The following EIF4E3 variants were observed in gnomAD, a reference collection of about 807,000 sequenced individuals.
The protein encoded by EIF4E3 is eukaryotic translation initiation factor 4E family member 3.
In EIF4E3, 26 loss-of-function variants were observed where a neutral mutation model predicts 31.7. The observed-to-expected ratio is 0.82, with a 90% confidence interval of 0.60 to 1.14. The LOEUF is 1.14. EIF4E3 is among the 50% of genes most tolerant of loss of function. The pLI, the probability that EIF4E3 is intolerant of heterozygous loss-of-function variation, is 0.00. For synonymous variants in EIF4E3, 128 were observed against 107.7 expected (o/e 1.19, Z -1.17); for missense variants, 304 against 270.9 (o/e 1.12, Z -0.86).
downstream of EIF4E3, among the ~76,000 whole-genome samples, chr3:71,670,575 T>C (rs373303353): frequency 4.6e-4 from 70 of 152,328 alleles, no homozygotes; most frequent in East Asian, 0.011. Context: ...CTACTGGTAT[T>C]GTTTTTGTTA....
chr3:71,664,446 G>T, the EIF4E3 span, among the ~76,000 whole-genome samples: 1 of 152,054 alleles, frequency 6.6e-6, no homozygotes, highest in African/African-American at 2.4e-5. Context: ...CCCAGCTGTA[G>T]GAATGGGTCA....
At chr3:71,716,239 T>C (rs1467656523) in intron 1 of EIF4E3, among the ~76,000 whole-genome samples, 1 of 124,682 alleles carries the variant, frequency 8.0e-6, no homozygotes, top group Non-Finnish European at 1.9e-5. Flanking sequence ...CATTTTATCC[T>C]TTTTTTTTTT....
At chr3:71,703,366 C>T (rs567192612) in intron 2 of EIF4E3, among the ~76,000 whole-genome samples, 1 of 152,206 alleles carries the variant, frequency 6.6e-6, no homozygotes, top group African/African-American at 2.4e-5. Flanking sequence ...AGTCTAATAC[C>T]TGGATTTAAG....
chr3:71,685,843 G>A (rs752256937), intron 6 of EIF4E3, among the ~76,000 whole-genome samples: 1 of 152,222 alleles, frequency 6.6e-6, no homozygotes, highest in Non-Finnish European at 1.5e-5. Context: ...AGCAACGTCT[G>A]ATAAAGGTGG....
Position 71,725,216 on chromosome 3 carries a change from G to A in EIF4E3, c.152C>T (p.Ser51Leu). 1 of 1,141,354 alleles carries A rather than the reference G, an allele frequency of 8.8e-7. No homozygotes were observed. The highest frequency in any genetic ancestry group is 1.1e-6 in the Non-Finnish European group (1 of 923,032). The allele number at this position is 1,141,354 out of a possible 1,614,324, so 70.7% of individuals were successfully genotyped here. Reference sequence around the variant, plus strand: ...CCTGTCGAGCCAGAAGGTCCAGGACGAGTGCAGCGGGACCCCGCCCGGCTC... The same window carrying A: ...CCTGTCGAGCCAGAAGGTCCAGGACAAGTGCAGCGGGACCCCGCCCGGCTC... Reference protein sequence around the residue: ...QPEPGGVPLHSSWTFWLDRSL... With the variant: ...QPEPGGVPLHLSWTFWLDRSL... The change falls in exon 1 of 7, where the codon TCG (serine) becomes TTG (leucine). Residue 51 changes from serine (S) to leucine (L), a missense_variant. Transcript: ENST00000425534. The surrounding 1 kb of genome is among the most constrained non-coding windows in gnomAD (Gnocchi z 6.1).
the EIF4E3 span, among the ~76,000 whole-genome samples, chr3:71,670,337 G>C: frequency 6.6e-6 from 1 of 152,076 alleles, no homozygotes; most frequent in African/African-American, 2.4e-5. Context: ...GTGCCTCTTC[G>C]CAAGGCTCGC....
chr3:71,664,580 A>G, the EIF4E3 span, among the ~76,000 whole-genome samples: 1 of 152,140 alleles, frequency 6.6e-6, no homozygotes, highest in Admixed American at 6.5e-5. Context: ...AGAGAGAGAG[A>G]GGCCCATTCT....
chr3:71,718,790 A>G (rs1344168640), intron 1 of EIF4E3, among the ~76,000 whole-genome samples: 2 of 152,232 alleles, frequency 1.3e-5, no homozygotes, highest in African/African-American at 2.4e-5. Context: ...AAAGGCTGGA[A>G]GTACTCTATG....
chr3:71,699,671 G>C lies in EIF4E3; in HGVS notation c.287C>G (p.Thr96Ser), dbSNP rs1415471713. Residue 96 changes from threonine (T) to serine (S), a missense_variant, in exon 3 of 7, where the codon ACT becomes AGT. Coordinates refer to ENST00000425534, the MANE Select transcript of EIF4E3 (RefSeq NM_001134651.2). ...WSVYNNIPPV[T>S]SLPLRCSYHL... ...ATAACTACATCTCAAAGGCAGGCTA[G>C]TCACAGGAGGGATATTATTGTATAC... 3 of 1,613,460 alleles carry C rather than the reference G, an allele frequency of 1.9e-6. No individual in the cohort carries two copies. Among genetic ancestry groups the C allele is most frequent in the Non-Finnish European group, 2.5e-6 (3 of 1,179,872 alleles).
intron 1 of EIF4E3, among the ~76,000 whole-genome samples, chr3:71,740,612 T>C (rs1418978988): frequency 1.3e-5 from 2 of 152,128 alleles, no homozygotes; most frequent in African/African-American, 4.8e-5. Context: ...TGTGCACCTG[T>C]AGTCCCAGCT....
intron 1 of EIF4E3, among the ~76,000 whole-genome samples, chr3:71,751,531 T>C (rs533188696): frequency 6.6e-6 from 1 of 152,324 alleles, no homozygotes; most frequent in South Asian, 2.1e-4. Context: ...TTCCCTCCTC[T>C]GGGCAGAGGC....
chr3:71,708,097 C>G lies in EIF4E3; in HGVS notation c.249+2315G>C, dbSNP rs182464970. On this transcript the variant is annotated intron_variant, in intron 2 of 6. Transcript: ENST00000425534. ...CCTTGTTGCTCAGGCTCATCTTGAACTCCTGACCTCAAGTGATCCGCCCAC... is the reference window on the plus strand; with the variant it reads ...CCTTGTTGCTCAGGCTCATCTTGAAGTCCTGACCTCAAGTGATCCGCCCAC... Among the ~76,000 whole-genome samples the G allele has an allele frequency of 6.1e-3, 932 of 152,290 alleles. 7 individuals are homozygous for G. The highest frequency in any genetic ancestry group is 0.01 in the Non-Finnish European group (703 of 68,024).
intron 1 of EIF4E3, among the ~76,000 whole-genome samples, chr3:71,714,992 G>A (rs2049443028): frequency 6.6e-6 from 1 of 152,216 alleles, no homozygotes; most frequent in South Asian, 2.1e-4. Context: ...TTTCATTCAT[G>A]TTATAAACCT....
At chr3:71,723,557 T>C (rs190288852) in intron 1 of EIF4E3, among the ~76,000 whole-genome samples, 8 of 152,354 alleles carry the variant, frequency 5.3e-5, no homozygotes, top group South Asian at 2.1e-4. Flanking sequence ...ATCTGTAGTA[T>C]TGACATTTTA....
intron 1 of EIF4E3, among the ~76,000 whole-genome samples, chr3:71,724,864 A>T (rs2049606887): frequency 1.3e-5 from 2 of 152,150 alleles, no homozygotes; most frequent in South Asian, 4.1e-4. Flanking sequence ...GGCCACCCCC[A>T]GCTCGCCTAC....
Position 71,714,616 on chromosome 3 carries a change from C to A in EIF4E3, c.177-4132G>T, listed in dbSNP as rs113880701. On this transcript the variant is annotated intron_variant, in intron 1 of 6. Transcript: ENST00000425534. ...AACACCAATGTGCCCAAACCTCATGCCCGAACTTCATACTTGTTTACCAAG... is the reference window on the plus strand; with the variant it reads ...AACACCAATGTGCCCAAACCTCATGACCGAACTTCATACTTGTTTACCAAG... Among the ~76,000 whole-genome samples, 907 of 152,324 alleles carry A rather than the reference C, an allele frequency of 6.0e-3. 9 individuals carry two copies. Among genetic ancestry groups the A allele is most frequent in the African/African-American group, 0.018 (766 of 41,572 alleles).
At chr3:71,725,676 G>A (rs1351989550), upstream of EIF4E3, among the ~76,000 whole-genome samples, 1 of 151,848 alleles carries the variant, frequency 6.6e-6, no homozygotes, top group African/African-American at 2.4e-5. This position sits in a 1 kb window ranked among gnomAD's most constrained non-coding sequence, Gnocchi z 6.1. Context: ...GGCCGGGGAC[G>A]GGCTAGAGGG....
Position 71,679,799 on chromosome 3 carries a change from T to C in EIF4E3, c.*4883A>G, listed in dbSNP as rs558934375. 2 of 152,334 alleles carry C rather than the reference T, an allele frequency of 1.3e-5. No individual in the cohort carries two copies. Among genetic ancestry groups the C allele is most frequent in the East Asian group, 3.9e-4 (2 of 5,184 alleles). The allele number at this position is 152,334 out of a possible 1,614,324, so 9.4% of individuals were successfully genotyped here. On this transcript the variant is annotated 3_prime_UTR_variant, in exon 7 of 7. Transcript: ENST00000425534. The stretch of plus-strand genomic sequence containing the variant: ...AGTGGAAATTCATTCCCAGGCTACT[T>C]TGATAGTCATTTGAACAGTTTTGTG...
chr3:71,714,044 C>G (rs1216127903), intron 1 of EIF4E3, among the ~76,000 whole-genome samples: 3 of 151,908 alleles, frequency 2.0e-5, no homozygotes, highest in South Asian at 2.1e-4. Flanking sequence ...AATCCAGGCT[C>G]TACTAAAAAT....
Sources: gnomAD v4.1 joint callset for allele counts (sites outside exome capture counted in the v4.1 genomes callset) on GRCh38, gnomAD v4.1.1 for gene constraint, Gnocchi (gnomAD v3.1) non-coding constraint, MANE v1.5 for transcripts, NCBI Gene and HGNC (gene_info 2026-07-23, HGNC 2026-07-21) for gene names.